The following ARID4B variants were observed in gnomAD, a reference collection of about 807,000 sequenced individuals.
ARID4B encodes AT-rich interaction domain 4B.
ARID4B carries 26 observed loss-of-function variants against 147.5 expected under a neutral mutation model. That is an observed-to-expected ratio of 0.18 (90% confidence interval 0.13 to 0.24). The LOEUF (loss-of-function observed/expected upper bound fraction) is 0.24, where lower values mean the gene tolerates loss of function less well. ARID4B is among the 10% of genes least tolerant of loss of function. The pLI is 1.00. For synonymous variants in ARID4B, 512 were observed against 507.9 expected, an observed-to-expected ratio of 1.01 and a Z score of -0.11; for missense variants, 1,179 against 1,511.5, an observed-to-expected ratio of 0.78 and a Z score of 3.65.
chr1:235,226,064 C>A (rs527336945), intron 11 of ARID4B, among the ~76,000 whole-genome samples: 79 of 152,270 alleles, frequency 5.2e-4, no homozygotes, highest in African/African-American at 1.8e-3. Flanking sequence ...CTTTAATAAA[C>A]AGCACAATTT....
intron 2 of ARID4B, among the ~76,000 whole-genome samples, chr1:235,301,047 T>C (rs1461661273): frequency 0.011 from 1,659 of 145,418 alleles, 48 homozygotes; most frequent in African/African-American, 0.039. Flanking sequence ...TCTTTTTTTT[T>C]TTTTTTTTTT....
chr1:235,275,778 G>A (rs1240786630), intron 2 of ARID4B, among the ~76,000 whole-genome samples: 1 of 152,130 alleles, frequency 6.6e-6, no homozygotes, highest in Non-Finnish European at 1.5e-5. Flanking sequence ...TCAGAACTTA[G>A]ATCACATCTA....
chr1:235,189,044 A>G (rs755294519), intron 19 of ARID4B, among the ~76,000 whole-genome samples: 1 of 152,198 alleles, frequency 6.6e-6, no homozygotes, highest in African/African-American at 2.4e-5. Flanking sequence ...CTATAAGAAC[A>G]GAGTGGTACA....
intron 20 of ARID4B, 107 bp downstream of exon 20, chr1:235,181,478 A>G (rs897749949): frequency 1.4e-6 from 2 of 1,385,972 alleles, no homozygotes; most frequent in South Asian, 2.8e-5. Flanking sequence ...GTTCACACAA[A>G]TATGACACTT....
At chr1:235,308,109 G>T (rs1208493755) in intron 2 of ARID4B, among the ~76,000 whole-genome samples, 1 of 111,852 alleles carries the variant, frequency 8.9e-6, no homozygotes, top group Admixed American at 9.8e-5. Flanking sequence ...TTTTTTTGGA[G>T]GGGGACAGAG....
chr1:235,208,561 G>A (rs1002881898), intron 17 of ARID4B, among the ~76,000 whole-genome samples: 1 of 152,124 alleles, frequency 6.6e-6, no homozygotes, highest in Non-Finnish European at 1.5e-5. Flanking sequence ...GGAGTGCAAT[G>A]GCGCAATCTC....
intron 2 of ARID4B, among the ~76,000 whole-genome samples, chr1:235,307,437 C>T (rs1179061875): frequency 2.0e-5 from 3 of 151,838 alleles, no homozygotes; most frequent in Non-Finnish European, 4.4e-5. Context: ...AGAGCTAGGC[C>T]CTGTCTCTTT....
rs150702980 is a variant in ARID4B at position 235,321,793 on chromosome 1, C to T, written c.6+5121G>A. 2.6e-3 allele frequency among the ~76,000 whole-genome samples: 400 copies of T among 152,196 alleles called. 2 individuals are homozygous for T. Among genetic ancestry groups the T allele is most frequent in the Middle Eastern group, 0.024 (7 of 294 alleles). ...GGATTACAGGTGTGAGCCACTGTGCCCGGCCCTGAATTCTACTTCAAAAAG... is the reference window on the plus strand; with the variant it reads ...GGATTACAGGTGTGAGCCACTGTGCTCGGCCCTGAATTCTACTTCAAAAAG... On this transcript the variant is annotated intron_variant, in intron 2 of 23. Transcript: ENST00000264183.
intron 20 of ARID4B, chr1:235,180,967 C>T (rs1325203758): frequency 1.6e-5 from 5 of 309,676 alleles, no homozygotes; most frequent in East Asian, 2.3e-4. Flanking sequence ...AACAATTTCA[C>T]GGAAAATCAA....
chr1:235,204,540 G>C (rs190132703), intron 17 of ARID4B, among the ~76,000 whole-genome samples: 2 of 152,188 alleles, frequency 1.3e-5, no homozygotes, highest in African/African-American at 4.8e-5. Context: ...TATATCAATA[G>C]GTTTTCCTAA....
chr1:235,198,940 AAC>A (rs370797552), intron 17 of ARID4B, among the ~76,000 whole-genome samples: 262 of 152,260 alleles, frequency 1.7e-3, no homozygotes, highest in African/African-American at 5.9e-3. Context: ...TCTCTACAAA[AAC>A]ACAAAAATTA....
At chr1:235,234,590 T>A in intron 8 of ARID4B, 98 bp from the exon 9 acceptor site, 1 of 853,848 alleles carries the variant, frequency 1.2e-6, no homozygotes, top group East Asian at 2.7e-5. Context: ...AGCTTGAAGT[T>A]TAAAAACTAA....
chr1:235,199,074 G>A (rs931208719), intron 17 of ARID4B, among the ~76,000 whole-genome samples: 7 of 152,062 alleles, frequency 4.6e-5, no homozygotes, highest in Non-Finnish European at 8.8e-5. Flanking sequence ...ACTCCAGCCT[G>A]GGTGACAGAA....
intron 6 of ARID4B, 48 bp downstream of exon 6, chr1:235,252,682 C>T (rs1199913635): frequency 6.5e-7 from 1 of 1,546,834 alleles, no homozygotes; most frequent in Non-Finnish European, 8.8e-7. Context: ...ATTTATTCCT[C>T]CCAATAAAAA....
chr1:235,269,900 T>C (rs755113975), intron 2 of ARID4B, among the ~76,000 whole-genome samples: 25 of 152,198 alleles, frequency 1.6e-4, no homozygotes, highest in African/African-American at 6.0e-4. Context: ...ATTTATATTA[T>C]TTACCCATCT....
chr1:235,246,316 GATC>G, intron 7 of ARID4B, 101 bp downstream of exon 7: 2 of 881,740 alleles, frequency 2.3e-6, no homozygotes, highest in Non-Finnish European at 3.6e-6. Flanking sequence ...ATTACTATTA[GATC>G]TGGTTAGCAT....
intron 10 of ARID4B, among the ~76,000 whole-genome samples, chr1:235,230,637 T>C (rs1668157050): frequency 7.6e-6 from 1 of 130,900 alleles, no homozygotes; most frequent in African/African-American, 3.2e-5. Context: ...AAAGGAAACC[T>C]ATGGTTGGGC....
intron 17 of ARID4B, among the ~76,000 whole-genome samples, chr1:235,199,676 AG>A (rs1395963626): frequency 2.0e-5 from 3 of 152,192 alleles, no homozygotes; most frequent in African/African-American, 4.8e-5. Context: ...AGTGGCGTGA[AG>A]AGGAAGAAAA....
At chr1:235,212,200 G>A (rs980153352) in intron 17 of ARID4B, among the ~76,000 whole-genome samples, 1 of 151,954 alleles carries the variant, frequency 6.6e-6, no homozygotes, top group South Asian at 2.1e-4. Flanking sequence ...AGTAGAGATC[G>A]TGCCACTACA....
Sources: gnomAD v4.1 joint callset for allele counts (sites outside exome capture counted in the v4.1 genomes callset) on GRCh38, gnomAD v4.1.1 for gene constraint, MANE v1.5 for transcripts, NCBI Gene and HGNC (gene_info 2026-07-23, HGNC 2026-07-21) for gene names.